The following CCDC186 variants were observed in gnomAD, a reference collection of about 807,000 sequenced individuals.
CCDC186 encodes coiled-coil domain-containing protein 186.
A neutral mutation model predicts 113.7 loss-of-function variants in CCDC186; 49 were observed. That is an observed-to-expected ratio of 0.43 (90% CI 0.34 to 0.55). CCDC186 has a LOEUF of 0.55. Among genes scored for constraint, CCDC186 ranks in the 20% least tolerant of loss-of-function variants. The pLI is 0.02. For missense variants in CCDC186, 890 were observed against 1,011.1 expected, an observed-to-expected ratio of 0.88 and a Z score of 1.62; for synonymous variants, 355 against 345.8, an observed-to-expected ratio of 1.03 and a Z score of -0.30.
chr10:114,166,914 C>CA (rs1347989856), intron 1 of CCDC186, among the ~76,000 whole-genome samples: 3 of 151,672 alleles, frequency 2.0e-5, no homozygotes, highest in African/African-American at 7.3e-5. Context: ...AGATTAACCT[C>CA]AAAAGGCAAG....
At chr10:114,129,240 T>C (rs748124985) in intron 13 of CCDC186, among the ~76,000 whole-genome samples, 2 of 151,942 alleles carry the variant, frequency 1.3e-5, no homozygotes, top group Non-Finnish European at 2.9e-5. Flanking sequence ...GGTGGGAAGA[T>C]TGTGATTGAG....
At chr10:114,138,437 G>GT (rs2031353334) in intron 6 of CCDC186, among the ~76,000 whole-genome samples, 1 of 150,966 alleles carries the variant, frequency 6.6e-6, no homozygotes, top group South Asian at 2.1e-4. Context: ...GGGATTACAA[G>GT]TATGTGCCAC....
At position 114,138,037 on chromosome 10, in the gene CCDC186, C is replaced by CAA. The variant is rs1564908401; in HGVS notation, c.1222-749_1222-748dup. On this transcript the variant is annotated intron_variant, in intron 6 of 15. Coordinates refer to ENST00000369287, the MANE Select transcript of CCDC186 (RefSeq NM_018017.4). ...GGGCAACAAGAGTGAAACTCGGTCTCAAAAAAAAAAAAAAAAAAAAAAAAA... is the reference window on the plus strand; with the variant it reads ...GGGCAACAAGAGTGAAACTCGGTCTCAAAAAAAAAAAAAAAAAAAAAAAAAAA... 1.3e-4 allele frequency among the ~76,000 whole-genome samples: 3 copies of CAA among 22,848 alleles called. 1 individual carries two copies. The highest frequency in any genetic ancestry group is 2.3e-4 in the Non-Finnish European group (3 of 12,814). 15.0% of individuals were successfully genotyped at this position (22,848 alleles called of 152,430 possible).
intron 4 of CCDC186, among the ~76,000 whole-genome samples, chr10:114,150,428 A>G (rs1328392556): frequency 6.6e-6 from 1 of 152,198 alleles, no homozygotes; most frequent in Non-Finnish European, 1.5e-5. Flanking sequence ...CAAATGGGGG[A>G]AAAAAGTATA....
At chr10:114,138,787 C>A (rs866299395) in intron 6 of CCDC186, among the ~76,000 whole-genome samples, 1 of 152,104 alleles carries the variant, frequency 6.6e-6, no homozygotes, top group Non-Finnish European at 1.5e-5. Flanking sequence ...CCCTGACTGG[C>A]TTTTACTTCC....
At chr10:114,173,223 T>C in intron 1 of CCDC186, 1 of 455,834 alleles carries the variant, frequency 2.2e-6, no homozygotes, top group Non-Finnish European at 4.4e-6. Flanking sequence ...AGAAGTAGGA[T>C]TCTAATCCAG....
At chr10:114,154,307 T>G (rs903789217) in intron 3 of CCDC186, among the ~76,000 whole-genome samples, 1 of 151,120 alleles carries the variant, frequency 6.6e-6, no homozygotes, top group Non-Finnish European at 1.5e-5. Flanking sequence ...TGACAAACCT[T>G]TAGCTGGAAT....
In CCDC186 at chr10:114,136,244, C is replaced by G. The variant is rs754143157; in HGVS notation, c.1329G>C (p.Glu443Asp). Residue 443 changes from glutamate (E) to aspartate (D), a missense_variant and splice_region_variant, in exon 8 of 16, where the codon GAG (glutamate) becomes GAC (aspartate). By Grantham distance (45) the Glu-to-Asp change is conservative. Coordinates refer to ENST00000369287, the MANE Select transcript of CCDC186 (RefSeq NM_018017.4). Reference sequence around the variant, plus strand: ...GCTCATTTGATTTAATTTCTTCTGACTCCTAGTGGAAAGAAAACAAAAAAA... The same window carrying G: ...GCTCATTTGATTTAATTTCTTCTGAGTCCTAGTGGAAAGAAAACAAAAAAA... ...NCQDMIKTYQ[E>D]SEEIKSNELD... 7 of 1,607,136 alleles carry G rather than the reference C, an allele frequency of 4.4e-6. No individual in the cohort carries two copies. Among genetic ancestry groups the G allele is most frequent in the Middle Eastern group, 3.3e-4 (2 of 6,060 alleles).
chr10:114,160,741 G>A (rs1221058671), intron 2 of CCDC186, among the ~76,000 whole-genome samples: 1 of 152,050 alleles, frequency 6.6e-6, no homozygotes, highest in African/African-American at 2.4e-5. Context: ...AAATTTCAAA[G>A]AAAGTAAAAG....
At chr10:114,162,517 G>C in intron 2 of CCDC186, 120 bp downstream of exon 2, 1 of 716,612 alleles carries the variant, frequency 1.4e-6, no homozygotes, top group Non-Finnish European at 2.2e-6. Flanking sequence ...CAACTACTAT[G>C]TGCATGATTC....
At chr10:114,150,269 G>A (rs73355751) in intron 4 of CCDC186, among the ~76,000 whole-genome samples, 21,794 of 152,048 alleles carry the variant, frequency 0.14, 1,674 homozygotes, top group African/African-American at 0.18. Flanking sequence ...TGACAAAGAC[G>A]TCATCCATAA....
chr10:114,156,541 C>T (rs1344556548), intron 3 of CCDC186, among the ~76,000 whole-genome samples: 2 of 152,184 alleles, frequency 1.3e-5, no homozygotes, highest in African/African-American at 4.8e-5. Flanking sequence ...GCCTAGCCAA[C>T]ACGGTGAAAC....
At position 114,135,992 on chromosome 10, in the gene CCDC186, A is replaced by T; in HGVS notation, c.1426-15T>A. 6.3e-7 allele frequency: 1 copy of T among 1,594,582 alleles called. No homozygotes were observed. Among genetic ancestry groups the T allele is most frequent in the Non-Finnish European group, 8.6e-7 (1 of 1,163,474 alleles). On this transcript the variant is annotated splice_polypyrimidine_tract_variant and intron_variant, in intron 8 of 15. Transcript: ENST00000369287. ...GCATGATGCATCTTTAAAAAAGTTTAAAAGAAACAACAAATCATAATGTGC... is the reference window on the plus strand; with the variant it reads ...GCATGATGCATCTTTAAAAAAGTTTTAAAGAAACAACAAATCATAATGTGC...
rs1434681640 is a variant in CCDC186 at position 114,174,169 on chromosome 10, C to T, written c.-216G>A. 6.5e-6 allele frequency: 3 copies of T among 464,470 alleles called. No individual in the cohort carries two copies. The highest frequency in any genetic ancestry group is 7.0e-5 in the East Asian group (1 of 14,354). 28.8% of individuals were successfully genotyped at this position (464,470 alleles called of 1,614,324 possible). A position where few individuals can be genotyped will look rare whatever the true frequency, so the allele number is the denominator to read the frequency against. On this transcript the variant is annotated 5_prime_UTR_variant, in exon 1 of 16. Transcript: ENST00000369287. ...GACGCCTCACTCAGCGGCCGTTTCCCCAAACCCCTGCGGAGCTGACACATC... is the reference window on the plus strand; with the variant it reads ...GACGCCTCACTCAGCGGCCGTTTCCTCAAACCCCTGCGGAGCTGACACATC...
intron 1 of CCDC186, chr10:114,173,404 C>A (rs1179621851): frequency 6.2e-6 from 2 of 321,754 alleles, no homozygotes; most frequent in East Asian, 7.6e-5. Flanking sequence ...TGCCATTTTT[C>A]ATTACTGATG....
chr10:114,153,786 C>CA (rs35593370), intron 3 of CCDC186, among the ~76,000 whole-genome samples: 694 of 61,040 alleles, frequency 0.011, 2 homozygotes, highest in South Asian at 0.042. Context: ...AATGACGTCT[C>CA]AAAAAAAAAA....
chr10:114,135,337 G>T (rs1237464141), intron 9 of CCDC186, among the ~76,000 whole-genome samples: 1 of 152,082 alleles, frequency 6.6e-6, no homozygotes, highest in Non-Finnish European at 1.5e-5. Context: ...GAACAAATAA[G>T]AAGGTGTATG....
intron 1 of CCDC186, among the ~76,000 whole-genome samples, chr10:114,164,079 T>TGTGTGTGTGC (rs1292343856): frequency 8.1e-6 from 1 of 123,358 alleles, no homozygotes; most frequent in Admixed American, 8.0e-5. Flanking sequence ...TGTGTGTGTG[T>TGTGTGTGTGC]GTGTGTGTGT....
intron 2 of CCDC186, among the ~76,000 whole-genome samples, chr10:114,159,347 G>T (rs2119817810): frequency 6.6e-6 from 1 of 152,270 alleles, no homozygotes. Flanking sequence ...TGTGCCAAAT[G>T]CATATTCTAT....
Sources: gnomAD v4.1 joint callset for allele counts (sites outside exome capture counted in the v4.1 genomes callset) on GRCh38, gnomAD v4.1.1 for gene constraint, MANE v1.5 for transcripts, NCBI Gene and HGNC (gene_info 2026-07-23, HGNC 2026-07-21) for gene names.